The following NAV3 variants were observed in gnomAD, a reference collection of about 807,000 sequenced individuals.
The protein encoded by NAV3 is neuron navigator 3.
NAV3 carries 87 observed loss-of-function variants against 244.7 expected under a neutral mutation model. The observed-to-expected ratio is 0.36, with a 90% confidence interval of 0.30 to 0.42. NAV3 has a LOEUF of 0.42. Ranked by LOEUF, NAV3 falls within the 20% of genes least tolerant of loss-of-function variation. The probability of loss-of-function intolerance (pLI) is 1.00; values close to 1 mark genes in which losing one functional copy is unlikely to be tolerated. For missense variants in NAV3, 2,663 were observed against 2,893.3 expected, an observed-to-expected ratio of 0.92 and a Z score of 1.83; for synonymous variants, 1,126 against 1,042.2, an observed-to-expected ratio of 1.08 and a Z score of -1.55.
At chr12:77,859,656 T>C (rs1205438587) in intron 1 of NAV3, among the ~76,000 whole-genome samples, 1 of 144,780 alleles carries the variant, frequency 6.9e-6, no homozygotes, top group Non-Finnish European at 1.5e-5. Flanking sequence ...AAAATCAAAG[T>C]CCTTTGGAGC....
chr12:77,913,894 G>A (rs1420599292), intron 1 of NAV3, among the ~76,000 whole-genome samples: 1 of 151,992 alleles, frequency 6.6e-6, no homozygotes, highest in Non-Finnish European at 1.5e-5. Context: ...AGTCTGATCT[G>A]GATTTAGAAT....
chr12:77,798,146 A>G (rs751405857), intron 2 of NAV3, among the ~76,000 whole-genome samples: 6 of 148,526 alleles, frequency 4.0e-5, no homozygotes, highest in Non-Finnish European at 7.4e-5. Context: ...TGGGCCACAG[A>G]GTGAGACCGT....
chr12:77,877,154 A>C (rs184464909), intron 1 of NAV3, among the ~76,000 whole-genome samples: 51 of 152,274 alleles, frequency 3.3e-4, no homozygotes, highest in African/African-American at 1.1e-3. Context: ...GTCAAAATAC[A>C]TTAGGCTGTA....
intron 1 of NAV3, among the ~76,000 whole-genome samples, chr12:77,913,300 T>C (rs1253453721): frequency 6.6e-6 from 1 of 152,124 alleles, no homozygotes; most frequent in African/African-American, 2.4e-5. Context: ...ATAATACCTT[T>C]ATTCTTATTA....
intron 2 of NAV3, among the ~76,000 whole-genome samples, chr12:77,787,329 T>G (rs1870949439): frequency 6.6e-6 from 1 of 152,190 alleles, no homozygotes; most frequent in Admixed American, 6.6e-5. Flanking sequence ...TCTTTATTAT[T>G]TAGAAATTGT....
chr12:77,609,692 C>T (rs12816461), intron 2 of NAV3, among the ~76,000 whole-genome samples: 4 of 151,824 alleles, frequency 2.6e-5, no homozygotes, highest in Non-Finnish European at 5.9e-5. Context: ...ACTTTGGGAA[C>T]CACTAGTTTA....
intron 9 of NAV3, among the ~76,000 whole-genome samples, chr12:78,044,100 T>C (rs1396860987): frequency 6.6e-5 from 10 of 152,224 alleles, no homozygotes; most frequent in Non-Finnish European, 5.9e-5. Flanking sequence ...CTTGAGTTAA[T>C]TTTTGTGTAA....
intron 2 of NAV3, among the ~76,000 whole-genome samples, chr12:77,575,037 A>ATATAATATTTAC (rs1869017156): frequency 6.7e-6 from 1 of 148,522 alleles, no homozygotes; most frequent in Non-Finnish European, 1.5e-5. Flanking sequence ...AAATATATAT[A>ATATAATATTTAC]TATAATATTT....
chr12:78,033,275 A>C (rs566993510), intron 9 of NAV3, among the ~76,000 whole-genome samples: 2 of 152,148 alleles, frequency 1.3e-5, no homozygotes, highest in South Asian at 2.1e-4. Context: ...CAAGAAGATC[A>C]AGCTCAGATA....
At chr12:77,671,212 GAAACAA>G (rs752684930) in intron 2 of NAV3, among the ~76,000 whole-genome samples, 45 of 149,788 alleles carry the variant, frequency 3.0e-4, no homozygotes, top group African/African-American at 4.3e-4. Flanking sequence ...CAAAAAACAA[GAAACAA>G]AAACAAAAAC....
In NAV3 at chr12:77,724,932, A is replaced by G. The variant is rs186551565; in HGVS notation, c.72+152666A>G. On this transcript the variant is annotated intron_variant, in intron 2 of 8. Transcript: ENST00000550042. ...ATTTACACTCCCTTTAAAATATGGT[A>G]GAACTGAGAATGCTATTGTGGAATG... is the stretch of plus-strand genomic sequence containing the variant. Among the ~76,000 whole-genome samples, 6 of 152,174 alleles carry G rather than the reference A, an allele frequency of 3.9e-5. No homozygotes were observed. The East Asian group carries it at 1.2e-3, about 29-fold the overall frequency.
chr12:77,976,619 G>A (rs998763141), intron 5 of NAV3, among the ~76,000 whole-genome samples: 3 of 149,156 alleles, frequency 2.0e-5, no homozygotes, highest in Non-Finnish European at 3.0e-5. Flanking sequence ...AATCCTCACG[G>A]CAATCCTATG....
chr12:77,756,459 G>C (rs1345438937), intron 2 of NAV3, among the ~76,000 whole-genome samples: 1 of 152,052 alleles, frequency 6.6e-6, no homozygotes, highest in Non-Finnish European at 1.5e-5. Context: ...TAGGAATGAA[G>C]GGGTGCTTGG....
chr12:77,908,956 G>C (rs541962411), intron 1 of NAV3, among the ~76,000 whole-genome samples: 6 of 152,114 alleles, frequency 3.9e-5, no homozygotes, highest in Admixed American at 3.3e-4. Context: ...GGGCTGACTG[G>C]ATCCAAATCA....
At chr12:78,034,059 C>T (rs537359934) in intron 9 of NAV3, among the ~76,000 whole-genome samples, 2 of 152,156 alleles carry the variant, frequency 1.3e-5, no homozygotes, top group Non-Finnish European at 2.9e-5. Flanking sequence ...GTATTGAATG[C>T]CACTGAAGTT....
intron 2 of NAV3, among the ~76,000 whole-genome samples, chr12:77,632,022 C>T (rs1001185659): frequency 2.6e-5 from 4 of 152,120 alleles, no homozygotes; most frequent in African/African-American, 9.7e-5. Context: ...GGCAGCTGCC[C>T]TGGTATTTAT....
chr12:77,656,382 G>A (rs1873105043), intron 2 of NAV3, among the ~76,000 whole-genome samples: 1 of 125,360 alleles, frequency 8.0e-6, no homozygotes, highest in Admixed American at 8.1e-5. Flanking sequence ...TAATGGTAAA[G>A]GGATCAATTC....
intron 2 of NAV3, among the ~76,000 whole-genome samples, chr12:77,584,836 T>C (rs1869525747): frequency 6.6e-6 from 1 of 152,184 alleles, no homozygotes; most frequent in African/African-American, 2.4e-5. Flanking sequence ...TAACATTTAG[T>C]ATTTGATTTC....
At chr12:78,161,490 C>T (rs1253231546) in intron 23 of NAV3, among the ~76,000 whole-genome samples, 3 of 151,922 alleles carry the variant, frequency 2.0e-5, no homozygotes, top group Non-Finnish European at 4.4e-5. Flanking sequence ...CTCATAGAAA[C>T]ATACAGAGAA....
Sources: gnomAD v4.1 joint callset for allele counts (sites outside exome capture counted in the v4.1 genomes callset) on GRCh38, gnomAD v4.1.1 for gene constraint, MANE v1.5 for transcripts, NCBI Gene and HGNC (gene_info 2026-07-23, HGNC 2026-07-21) for gene names.